Variants in GRIK3 observed in about 807,000 individuals in gnomAD.
GRIK3 encodes the protein glutamate receptor ionotropic, kainate 3.
A neutral mutation model predicts 102.5 loss-of-function variants in GRIK3; 29 were observed. The ratio of observed to expected loss-of-function variants is 0.28; its 90% CI spans 0.21 to 0.39. The LOEUF is 0.39. Ranked by LOEUF, GRIK3 falls within the 10% of genes least tolerant of loss-of-function variation. The pLI is 1.00. For missense variants in GRIK3, 908 were observed against 1,252.4 expected (o/e 0.73, Z 4.15); for synonymous variants, 511 against 504.9 (o/e 1.01, Z -0.16).
intron 13 of GRIK3, among the ~76,000 whole-genome samples, chr1:36,816,204 G>A (rs550155710): frequency 1.1e-4 from 16 of 152,224 alleles, no homozygotes; most frequent in African/African-American, 3.6e-4. Context: ...AGCTGCTCTG[G>A]GACTCAGTTT....
At position 36,859,946 on chromosome 1, in the gene GRIK3, A is replaced by G. The variant is rs1319833667; in HGVS notation, c.858T>C (p.Asn286=). 8 of 1,613,488 alleles carry G rather than the reference A, an allele frequency of 5.0e-6. No individual in the cohort carries two copies. The highest frequency in any genetic ancestry group is 1.3e-5 in the African/African-American group (1 of 74,896). The change falls in exon 6 of 16, where the codon AAT becomes AAC. Residue 286 remains asparagine, a synonymous_variant. Transcript: ENST00000373091. ...TGGCCGAGACGTGTGGGTTGTCCAC[A>G]TTGAGAATCCGGAATCCTGTCAGGT... ...GVNLTGFRIL[N]VDNPHVSAIV... is the part of the protein sequence containing the mutation.
intron 13 of GRIK3, 69 bp downstream of exon 13, chr1:36,816,991 T>G (rs1286056965): frequency 9.1e-7 from 1 of 1,098,792 alleles, no homozygotes; most frequent in African/African-American, 1.5e-5. Flanking sequence ...CCCCCTTTCC[T>G]CTTCTGCTCA....
Position 36,797,357 on chromosome 1 carries a change from A to C in GRIK3, c.*4494T>G, listed in dbSNP as rs1389804516. On this transcript the variant is annotated 3_prime_UTR_variant, in exon 16 of 16. Coordinates refer to ENST00000373091, the MANE Select transcript of GRIK3 (RefSeq NM_000831.4). ...ATATTGTACAGAACATTAACCTTCT[A>C]CCTAAAAGTTTTGTGACTCACGTAT... The C allele has an allele frequency of 6.6e-6, 1 of 151,808 alleles. No homozygotes were observed. The highest frequency in any genetic ancestry group is 1.5e-5 in the Non-Finnish European group (1 of 67,978). The allele number at this position is 151,808 out of a possible 1,614,324, so 9.4% of individuals were successfully genotyped here. A position where few individuals can be genotyped will look rare whatever the true frequency, so the allele number is the denominator to read the frequency against.
At position 36,804,859 on chromosome 1, in the gene GRIK3, G is replaced by A. The variant is rs914592692; in HGVS notation, c.2565+128C>T. ...GGTAGAGTGGCAGGGCTTGCTGGCC[G>A]ACTGGATGCAGGGTGAGCTGTTGTG... On this transcript the variant is annotated intron_variant, in intron 15 of 15. Transcript: ENST00000373091. The A allele has an allele frequency of 3.8e-5, 47 of 1,232,300 alleles. No homozygotes were observed. In the Admixed American group the frequency reaches 8.2e-4, roughly 22 times the overall value. 76.3% of individuals were successfully genotyped at this position (1,232,300 alleles called of 1,614,324 possible). A position where few individuals can be genotyped will look rare whatever the true frequency, so the allele number is the denominator to read the frequency against.
chr1:36,833,886 T>C (rs1640341534), intron 10 of GRIK3, among the ~76,000 whole-genome samples: 1 of 152,142 alleles, frequency 6.6e-6, no homozygotes, highest in Non-Finnish European at 1.5e-5. Flanking sequence ...CCCTGACTGC[T>C]GCTGGTGAAG....
At chr1:36,854,264 G>A (rs762015901) in intron 7 of GRIK3, among the ~76,000 whole-genome samples, 3 of 152,114 alleles carry the variant, frequency 2.0e-5, no homozygotes, top group Non-Finnish European at 4.4e-5. Context: ...TGCGACCTTG[G>A]GTATTTCATT....
chr1:36,825,683 G>C lies in GRIK3; in HGVS notation c.1674C>G (p.Leu558=). ...TCCAGATGTCTGGGGACAGGGGATT[G>C]AGGAAGGAGAAGACGCTGGGGTTGG... The part of the protein sequence containing the change: ...NGTNPSVFSF[L]NPLSPDIWMY... Residue 558 remains leucine, a synonymous_variant, in exon 11 of 16, where the codon CTC becomes CTG. Transcript: ENST00000373091. 1.2e-6 allele frequency: 2 copies of C among 1,613,798 alleles called. No homozygotes were observed. Among genetic ancestry groups the C allele is most frequent in the South Asian group, 2.2e-5 (2 of 90,974 alleles).
At chr1:36,868,890 G>A (rs951926816) in intron 5 of GRIK3, among the ~76,000 whole-genome samples, 1 of 152,200 alleles carries the variant, frequency 6.6e-6, no homozygotes, top group African/African-American at 2.4e-5. Flanking sequence ...GCTGGGTGCT[G>A]GATAAATGAA....
intron 13 of GRIK3, among the ~76,000 whole-genome samples, chr1:36,816,824 A>T (rs1051039444): frequency 9.2e-5 from 14 of 152,176 alleles, no homozygotes; most frequent in African/African-American, 3.4e-4. Context: ...ACACATTCAC[A>T]TTGCTCATCT....
At chr1:36,891,290 A>G (rs1423288541) in intron 1 of GRIK3, among the ~76,000 whole-genome samples, 194 bp from the exon 2 acceptor site, 1 of 152,272 alleles carries the variant, frequency 6.6e-6, no homozygotes, top group Non-Finnish European at 1.5e-5. Flanking sequence ...ATTTCACTCA[A>G]CCAGCAAATT....
At chr1:36,822,908 T>C (rs1382342977) in intron 11 of GRIK3, among the ~76,000 whole-genome samples, 1 of 152,164 alleles carries the variant, frequency 6.6e-6, no homozygotes, top group Non-Finnish European at 1.5e-5. Context: ...CAGAATATCT[T>C]GGTGGCAGTG....
intron 1 of GRIK3, among the ~76,000 whole-genome samples, chr1:37,000,880 G>C (rs1314847340): frequency 2.0e-5 from 3 of 152,182 alleles, no homozygotes; most frequent in Non-Finnish European, 4.4e-5. Flanking sequence ...AAGCCCAAGG[G>C]AGTCTTTCAT....
intron 1 of GRIK3, among the ~76,000 whole-genome samples, chr1:36,955,928 A>T (rs180731367): frequency 6.6e-6 from 1 of 152,358 alleles, no homozygotes; most frequent in Admixed American, 6.5e-5. Context: ...GGCCTTCTTA[A>T]CAAAGGCTCG....
chr1:36,959,866 CCA>C (rs1641981926), intron 1 of GRIK3, among the ~76,000 whole-genome samples: 1 of 93,530 alleles, frequency 1.1e-5, no homozygotes, highest in Non-Finnish European at 2.2e-5. Context: ...CCTGTGTGCC[CCA>C]TGAGCCGTGT....
intron 1 of GRIK3, among the ~76,000 whole-genome samples, chr1:37,014,305 T>C (rs1252673270): frequency 6.6e-6 from 1 of 152,142 alleles, no homozygotes; most frequent in Admixed American, 6.5e-5. Context: ...TGGCACATAG[T>C]AGGTGCTCAA....
chr1:36,866,575 A>G (rs903488875), intron 5 of GRIK3, among the ~76,000 whole-genome samples: 5 of 152,222 alleles, frequency 3.3e-5, no homozygotes, highest in African/African-American at 1.2e-4. Context: ...TAACACTTAC[A>G]CTGTAATAAG....
chr1:36,845,392 C>T (rs963687635), intron 9 of GRIK3, among the ~76,000 whole-genome samples: 3 of 152,172 alleles, frequency 2.0e-5, no homozygotes, highest in African/African-American at 2.4e-5. Flanking sequence ...GAAAAATAAC[C>T]GTTTCTGACT....
chr1:36,904,397 T>G (rs1421194906), intron 1 of GRIK3, among the ~76,000 whole-genome samples: 2 of 152,238 alleles, frequency 1.3e-5, no homozygotes, highest in African/African-American at 4.8e-5. Flanking sequence ...TTTTCTGTAT[T>G]TTTAAAAAGT....
intron 1 of GRIK3, among the ~76,000 whole-genome samples, chr1:36,923,245 CTG>C (rs1395834840): frequency 6.6e-6 from 1 of 152,210 alleles, no homozygotes; most frequent in African/African-American, 2.4e-5. Context: ...TGGAATATGG[CTG>C]TGTCTTTGTA....
Sources: gnomAD v4.1 joint callset for allele counts (sites outside exome capture counted in the v4.1 genomes callset) on GRCh38, gnomAD v4.1.1 for gene constraint, MANE v1.5 for transcripts, NCBI Gene and HGNC (gene_info 2026-07-23, HGNC 2026-07-21) for gene names.